The following MASP2 variants were observed in gnomAD, a reference collection of about 807,000 sequenced individuals.
MASP2 encodes mannan-binding lectin serine protease 2.
MASP2 carries 49 observed loss-of-function variants against 57.1 expected under a neutral mutation model. The observed-to-expected ratio is 0.86, with a 90% CI of 0.68 to 1.09. MASP2 has a LOEUF of 1.09. Ranked by LOEUF, MASP2 falls within the 50% of genes least tolerant of loss-of-function variation. The pLI is 0.00. For missense variants in MASP2, 900 were observed against 874.8 expected, an observed-to-expected ratio of 1.03 and a Z score of -0.36; for synonymous variants, 379 against 340.8, an observed-to-expected ratio of 1.11 and a Z score of -1.24.
chr1:11,030,284 T>C, intron 9 of MASP2, 34 bp from the exon 10 acceptor site: 2 of 1,461,996 alleles, frequency 1.4e-6, no homozygotes, highest in Non-Finnish European at 1.9e-6. Context: ...AATGTTTAAC[T>C]GCATGTATAA....
chr1:11,038,489 GC>G (rs1638319129), intron 6 of MASP2, among the ~76,000 whole-genome samples: 1 of 152,124 alleles, frequency 6.6e-6, no homozygotes. Context: ...TTCCACTCTG[GC>G]CCCCAAACCC....
intron 8 of MASP2, among the ~76,000 whole-genome samples, chr1:11,031,549 C>T (rs1318742554): frequency 6.8e-5 from 3 of 44,288 alleles, no homozygotes; most frequent in African/African-American, 2.3e-4. Flanking sequence ...AAAAAAAAGG[C>T]TGCAGCGGAA....
At chr1:11,027,697 G>C in intron 10 of MASP2, 49 bp from the exon 11 acceptor site, 1 of 1,524,584 alleles carries the variant, frequency 6.6e-7, no homozygotes, top group Non-Finnish European at 8.8e-7. Flanking sequence ...AATGTCAATC[G>C]TGTTTTTCTT....
chr1:11,044,197 G>T (rs953751776), intron 4 of MASP2, among the ~76,000 whole-genome samples: 1 of 152,160 alleles, frequency 6.6e-6, no homozygotes, highest in East Asian at 1.9e-4. Context: ...CCTGCCCTGG[G>T]GGCTGCTCCT....
intron 4 of MASP2, among the ~76,000 whole-genome samples, chr1:11,044,643 C>T (rs1638567043): frequency 6.6e-6 from 1 of 152,162 alleles, no homozygotes; most frequent in Non-Finnish European, 1.5e-5. Context: ...CTCAGTGCCC[C>T]ATCTTCAAAA....
At chr1:11,029,247 G>T (rs938832425) in intron 10 of MASP2, among the ~76,000 whole-genome samples, 1 of 150,954 alleles carries the variant, frequency 6.6e-6, no homozygotes, top group Non-Finnish European at 1.5e-5. Context: ...TGATCTTTCC[G>T]CCTTGGCCTC....
In MASP2 at chr1:11,027,055, C is replaced by G. The variant is rs1643746597; in HGVS notation, c.1891G>C (p.Gly631Arg). Residue 631 changes from glycine to arginine, a missense_variant, in exon 11 of 11, where the codon GGT (glycine) becomes CGT (arginine). Transcript: ENST00000400897. ...AACACCAGTGCCCCTCCGCTGTCAC[C>G]TCTGCAGCTGTCCTTGCCCCCACTT... ...LESGGKDSCR[G>R]DSGGALVFLD... 1.3e-6 allele frequency: 2 copies of G among 1,593,568 alleles called. No homozygotes were observed. The highest frequency in any genetic ancestry group is 1.7e-6 in the Non-Finnish European group (2 of 1,170,178).
At chr1:11,045,713 G>A (rs1638618146) in intron 3 of MASP2, 174 bp from the exon 4 acceptor site, 1 of 636,438 alleles carries the variant, frequency 1.6e-6, no homozygotes, top group Non-Finnish European at 2.7e-6. Flanking sequence ...GTCGCTGCAA[G>A]CTCCCAGCAG....
intron 5 of MASP2, 49 bp from the exon 6 acceptor site, chr1:11,043,071 C>T: frequency 6.2e-7 from 1 of 1,600,220 alleles, no homozygotes; most frequent in Non-Finnish European, 8.5e-7. Context: ...TGGGTCTGGC[C>T]TGGGCCGGAG....
In MASP2 at chr1:11,033,334, AAAAAAAG is replaced by A. The variant is rs558236087; in HGVS notation, c.1087+1487_1087+1493del. ...CAAGAACAAAACTGCGTCTCCAAAA[AAAAAAAG>A]AAAAAGAAAAAAATATTGTCAGGCT... On this transcript the variant is annotated intron_variant, in intron 8 of 10. Transcript: ENST00000400897. Among the ~76,000 whole-genome samples the A allele has an allele frequency of 3.2e-3, 474 of 147,868 alleles. 1 individual carries two copies. The highest frequency in any genetic ancestry group is 0.011 in the African/African-American group (427 of 39,956).
At chr1:11,028,812 C>T (rs1643789201) in intron 10 of MASP2, among the ~76,000 whole-genome samples, 1 of 149,196 alleles carries the variant, frequency 6.7e-6, no homozygotes, top group African/African-American at 2.5e-5. Flanking sequence ...CTCCCAGGTT[C>T]ATGCCATTCT....
intron 6 of MASP2, among the ~76,000 whole-genome samples, chr1:11,042,632 T>A (rs1212306086): frequency 6.6e-6 from 1 of 150,946 alleles, no homozygotes; most frequent in Non-Finnish European, 1.5e-5. Flanking sequence ...AAAGGATGAG[T>A]GGATGGGTGA....
chr1:11,045,231 G>A (rs1260474537), intron 4 of MASP2, 177 bp downstream of exon 4: 2 of 930,730 alleles, frequency 2.1e-6, no homozygotes, highest in Middle Eastern at 2.1e-4. Context: ...GCACTGATGA[G>A]CCTGGCTGCT....
At position 11,043,984 on chromosome 1, in the gene MASP2, G is replaced by A. The variant is rs536325852; in HGVS notation, c.545-449C>T. Among the ~76,000 whole-genome samples the A allele has an allele frequency of 1.1e-4, 16 of 152,174 alleles. No homozygotes were observed. In the South Asian group the frequency reaches 2.1e-3, roughly 20 times the overall value. On this transcript the variant is annotated intron_variant, in intron 4 of 10. Coordinates refer to ENST00000400897, the MANE Select transcript of MASP2 (RefSeq NM_006610.4). ...CACTCTCCTTGGTCCCTGGGAATTCGGGAAAAGAGAGGAGCATCTCCTCGA... is the reference window on the plus strand; with the variant it reads ...CACTCTCCTTGGTCCCTGGGAATTCAGGAAAAGAGAGGAGCATCTCCTCGA...
intron 8 of MASP2, 61 bp from the exon 9 acceptor site, chr1:11,030,943 G>A: frequency 1.3e-6 from 2 of 1,556,894 alleles, no homozygotes; most frequent in Non-Finnish European, 1.7e-6. Flanking sequence ...CTTTCCAAAG[G>A]TCTGGAGAAG....
chr1:11,032,608 CAA>C (rs36074066), intron 8 of MASP2, among the ~76,000 whole-genome samples: 32 of 105,958 alleles, frequency 3.0e-4, no homozygotes, highest in South Asian at 6.0e-4. Context: ...GAGACCCCGT[CAA>C]AAAAAAAAAA....
chr1:11,046,264 C>T (rs1004136307), intron 3 of MASP2: 125 of 464,762 alleles, frequency 2.7e-4, no homozygotes, highest in Middle Eastern at 6.2e-4. Flanking sequence ...CAGCCAGCCT[C>T]GGCCTCCCAA....
At chr1:11,029,492 T>C (rs1643803406) in intron 10 of MASP2, among the ~76,000 whole-genome samples, 1 of 152,124 alleles carries the variant, frequency 6.6e-6, no homozygotes, top group South Asian at 2.1e-4. Flanking sequence ...ATTGCATTGA[T>C]GTTTAAAAAC....
At chr1:11,039,292 A>T (rs1487108038) in intron 6 of MASP2, among the ~76,000 whole-genome samples, 2 of 152,144 alleles carry the variant, frequency 1.3e-5, no homozygotes, top group African/African-American at 4.8e-5. Context: ...TCCCTAGTAG[A>T]CATCCATAGG....
Sources: allele counts gnomAD v4.1 joint callset (sites outside exome capture counted in the v4.1 genomes callset), GRCh38; gene constraint gnomAD v4.1.1; transcripts MANE v1.5; gene names NCBI Gene and HGNC (gene_info 2026-07-23, HGNC 2026-07-21).